PPRC1: variants seen among roughly 807,000 people sequenced by gnomAD.
PPRC1 encodes the protein peroxisome proliferator-activated receptor gamma coactivator-related protein 1.
In PPRC1, 23 loss-of-function variants were observed where a neutral mutation model predicts 132.5. The ratio of observed to expected loss-of-function variants is 0.17; its 90% CI spans 0.12 to 0.25. The LOEUF is 0.25. PPRC1 is among the 10% of genes least tolerant of loss of function. The probability of loss-of-function intolerance (pLI) is 1.00; values close to 1 mark genes in which losing one functional copy is unlikely to be tolerated. For synonymous variants in PPRC1, 872 were observed against 833.5 expected (o/e 1.05, Z -0.80); for missense variants, 2,006 against 2,089.1 (o/e 0.96, Z 0.78).
rs1473158568 is a variant in PPRC1, at chr10:102,141,684, C to T, written c.3176C>T (p.Pro1059Leu). 1 of 1,614,058 alleles carries T rather than the reference C, an allele frequency of 6.2e-7. No homozygotes were observed. ...GAGCCTACCAAGGTGGAGGTCAAGC[C>T]AGTGCCTGCATCTCCCCATCCGAAA... ...QTEPTKVEVK[P>L]VPASPHPKHK... Residue 1059 changes from proline to leucine, a missense_variant, in exon 5 of 14, where the codon CCA becomes CTA. By Grantham distance (98) the Pro-to-Leu change is moderately conservative. Transcript: ENST00000278070.
intron 2 of PPRC1, 89 bp downstream of exon 2, chr10:102,138,127 A>T (rs1054378884): frequency 4.4e-6 from 6 of 1,377,720 alleles, no homozygotes; most frequent in Non-Finnish European, 5.9e-6. Context: ...CTGCTCTCCC[A>T]GGACCTTAGC....
At chr10:102,135,351 T>C (rs1157152476) in intron 1 of PPRC1, among the ~76,000 whole-genome samples, 1 of 150,534 alleles carries the variant, frequency 6.6e-6, no homozygotes, top group African/African-American at 2.5e-5. Context: ...GACAGGACTT[T>C]TGTAAGCTAT....
upstream of PPRC1, among the ~76,000 whole-genome samples, chr10:102,128,145 CT>C (rs879722797): frequency 2.1e-3 from 306 of 143,542 alleles, no homozygotes; most frequent in Middle Eastern, 3.6e-3. Context: ...GCTGCTGCTG[CT>C]TTTTTTTTTT....
At chr10:102,134,736 C>CT (rs2068659489) in intron 1 of PPRC1, among the ~76,000 whole-genome samples, 1 of 152,206 alleles carries the variant, frequency 6.6e-6, no homozygotes, top group Admixed American at 6.5e-5. Flanking sequence ...AGGCCAGAAT[C>CT]TCAAGGCAAT....
rs766190785 is a variant in PPRC1, at chr10:102,139,634, C to T, written c.1126C>T (p.Leu376Phe). Residue 376 changes from leucine (L) to phenylalanine (F), a missense_variant, in exon 5 of 14, where the codon CTC becomes TTC. Leu to Phe is a conservative substitution (Grantham distance 22). Around this residue, in one of 2 missense-constraint regions of PPRC1, gnomAD observed 1,914 missense variants for 1,917.2 expected, o/e 1.00. Coordinates refer to ENST00000278070, the MANE Select transcript of PPRC1 (RefSeq NM_015062.5). ...GGTCTCTCCTGGACCCCGGCCTGTG[C>T]TCCTGGATGACTCGCTAGAGACTAG... is the stretch of plus-strand genomic sequence containing the variant. Reference protein sequence around the residue: ...RQVSPGPRPVLLDDSLETSSA... With the variant: ...RQVSPGPRPVFLDDSLETSSA... The T allele has an allele frequency of 1.2e-5, 20 of 1,613,940 alleles. No individual in the cohort carries two copies. The highest frequency in any genetic ancestry group is 3.3e-4 in the Middle Eastern group (2 of 6,084).
chr10:102,150,022 G>C lies in PPRC1; in HGVS notation c.4988G>C (p.Arg1663Thr). The C allele has an allele frequency of 6.2e-7, 1 of 1,609,864 alleles. No homozygotes were observed. The highest frequency in any genetic ancestry group is 8.5e-7 in the Non-Finnish European group (1 of 1,176,182). The change falls in exon 14 of 14, where the codon AGG (arginine) becomes ACG (threonine). Residue 1663 changes from arginine to threonine, a missense_variant. Arg to Thr is a moderately conservative substitution (Grantham distance 71, BLOSUM62 -1). This residue lies in a region of PPRC1 where 92 missense variants were observed against 171.9 expected (regional missense o/e 0.54). Coordinates refer to ENST00000278070, the MANE Select transcript of PPRC1 (RefSeq NM_015062.5). ...TTGAAACAGGCCCAGAAGAACCTCA[G>C]GAGGTAACCTTGGGCCCTTCCCTGC... is the stretch of plus-strand genomic sequence containing the variant. The part of the protein sequence containing the change: ...TLLKQAQKNL[R>T]R
At chr10:102,122,535 A>G in the PPRC1 span, among the ~76,000 whole-genome samples, 1 of 145,838 alleles carries the variant, frequency 6.9e-6, no homozygotes, top group African/African-American at 2.5e-5. Context: ...ACAATTTGAG[A>G]TGGTTTGGAG....
At chr10:102,120,697 C>T in the PPRC1 span, among the ~76,000 whole-genome samples, 1 of 152,146 alleles carries the variant, frequency 6.6e-6, no homozygotes, top group Non-Finnish European at 1.5e-5. Context: ...GGCAGAGACC[C>T]CAGAGAGGGA....
the PPRC1 span, among the ~76,000 whole-genome samples, chr10:102,127,019 TCATA>T: frequency 2.6e-3 from 204 of 78,882 alleles, 7 homozygotes; most frequent in African/African-American, 7.7e-3. Context: ...TGGTTTTTTA[TCATA>T]TATATATATA....
In PPRC1 at chr10:102,140,123, A is replaced by C. The variant is rs1176190087; in HGVS notation, c.1615A>C (p.Asn539His). 6.2e-7 allele frequency: 1 copy of C among 1,614,214 alleles called. No homozygotes were observed. Among genetic ancestry groups the C allele is most frequent in the South Asian group, 1.1e-5 (1 of 91,082 alleles). The change falls in exon 5 of 14, where the codon AAC becomes CAC. Residue 539 changes from asparagine to histidine, a missense_variant. This residue lies in a region of PPRC1 where 1,914 missense variants were observed against 1,917.2 expected (regional missense o/e 1.00). Coordinates refer to ENST00000278070, the MANE Select transcript of PPRC1 (RefSeq NM_015062.5). ...AAALENSSPK[N>H]LERSAGQSSP... ...TGCCTTGGAGAATTCTAGCCCTAAG[A>C]ACTTGGAGAGAAGTGCTGGACAAAG... is the stretch of plus-strand genomic sequence containing the variant.
rs1214921466 is a variant in PPRC1 at position 102,138,859 on chromosome 10, G to A, written c.490-20G>A. ...AGCTCTGAAGCATAGACTGATCTCAGGTCTTTCTTTCCCTCTTAGCTGCAC... is the reference window on the plus strand; with the variant it reads ...AGCTCTGAAGCATAGACTGATCTCAAGTCTTTCTTTCCCTCTTAGCTGCAC... On this transcript the variant is annotated intron_variant, in intron 3 of 13. Transcript: ENST00000278070. The A allele has an allele frequency of 1.2e-6, 2 of 1,612,894 alleles. No individual in the cohort carries two copies. The highest frequency in any genetic ancestry group is 1.1e-5 in the South Asian group (1 of 91,052).
At position 102,147,352 on chromosome 10, in the gene PPRC1, C is replaced by G; in HGVS notation, c.4360C>G (p.Arg1454Gly). ...SSSSSSSSRS[R>G]SRSLSPPHKR... ...ATCATCGTCTTCCTCATCCCGATCT[C>G]GGTCCAGGTCCCTCTCCCCCCCACA... is the stretch of plus-strand genomic sequence containing the variant. The change falls in exon 9 of 14, where the codon CGG becomes GGG. Residue 1454 changes from arginine (R) to glycine (G), a missense_variant. Physicochemically the swap from Arg to Gly is moderately radical, Grantham distance 125. Around this residue, in one of 2 missense-constraint regions of PPRC1, gnomAD observed 1,914 missense variants for 1,917.2 expected, o/e 1.00. Transcript: ENST00000278070. 1.2e-6 allele frequency: 2 copies of G among 1,609,594 alleles called. No homozygotes were observed. The highest frequency in any genetic ancestry group is 1.7e-6 in the Non-Finnish European group (2 of 1,179,588).
chr10:102,149,729 CAAAAAAAA>C (rs34550400), intron 13 of PPRC1, among the ~76,000 whole-genome samples, 189 bp from the exon 14 acceptor site: 4 of 110,654 alleles, frequency 3.6e-5, no homozygotes, highest in Admixed American at 1.9e-4. Flanking sequence ...GAGACTGTCT[CAAAAAAAA>C]AAAAAAAAAA....
chr10:102,133,007 C>G (rs770368636), upstream of PPRC1: 21 of 1,235,818 alleles, frequency 1.7e-5, no homozygotes, highest in Non-Finnish European at 2.0e-5. Context: ...GTTCCTTTCC[C>G]ACAATCGGCT....
Position 102,143,025 on chromosome 10 carries a change from T to G in PPRC1, c.3497-20T>G, listed in dbSNP as rs530982129. Reference sequence around the variant, plus strand: ...GTTGATAGGGGCTCGTTTTCAATCCTGTGTTGTGTGCCTCCACAGGAATTG... The same window carrying G: ...GTTGATAGGGGCTCGTTTTCAATCCGGTGTTGTGTGCCTCCACAGGAATTG... On this transcript the variant is annotated intron_variant, in intron 5 of 13. Transcript: ENST00000278070. The G allele has an allele frequency of 8.7e-6, 14 of 1,608,432 alleles. No individual in the cohort carries two copies. The African/African-American group carries it at 1.7e-4, about 20-fold the overall frequency.
chr10:102,140,958 T>C lies in PPRC1; in HGVS notation c.2450T>C (p.Ile817Thr). ...AGAAGCCCTGAAACACCCCTTGAGA[T>C]TTGCCTTGTGCCTGTAGGTCCCAGC... The part of the protein sequence containing the change: ...LQRSPETPLE[I>T]CLVPVGPSPA... Residue 817 changes from isoleucine to threonine, a missense_variant, in exon 5 of 14, where the codon ATT (isoleucine) becomes ACT (threonine). Ile to Thr is a moderately conservative substitution (Grantham distance 89, BLOSUM62 -1). This residue lies in a region of PPRC1 where 1,914 missense variants were observed against 1,917.2 expected (regional missense o/e 1.00). Transcript: ENST00000278070. The C allele has an allele frequency of 6.2e-7, 1 of 1,613,976 alleles. No homozygotes were observed.
upstream of PPRC1, among the ~76,000 whole-genome samples, chr10:102,129,183 G>A (rs1002283348): frequency 1.3e-5 from 2 of 151,794 alleles, no homozygotes; most frequent in African/African-American, 4.8e-5. Context: ...CGCCCGCCTC[G>A]GCCTCCCAAA....
At position 102,142,118 on chromosome 10, in the gene PPRC1, T is replaced by C. The variant is rs2069010583; in HGVS notation, c.3496+114T>C. On this transcript the variant is annotated intron_variant, in intron 5 of 13. Coordinates refer to ENST00000278070, the MANE Select transcript of PPRC1 (RefSeq NM_015062.5). ...GTTGGATTTCTTTGGAGGAGTTTTT[T>C]TGTTTTTATTTTGAGATGGAGTCTT... 1.4e-5 allele frequency: 18 copies of C among 1,305,204 alleles called. No homozygotes were observed. The South Asian group carries it at 2.8e-4, about 20-fold the overall frequency. 80.9% of individuals were successfully genotyped at this position (1,305,204 alleles called of 1,614,324 possible).
In PPRC1 at chr10:102,141,169, C is replaced by T. The variant is rs753069402; in HGVS notation, c.2661C>T (p.Gly887=). ...AALPFPAGGL[G]MPPSLPPPPL... ...TGCCTTTCCCTGCAGGTGGGCTTGG[C>T]ATGCCCCCCAGTCTGCCCCCACCTC... is the stretch of plus-strand genomic sequence containing the variant. The change falls in exon 5 of 14, where the codon GGC becomes GGT. Residue 887 remains glycine (G), a synonymous_variant. Transcript: ENST00000278070. The T allele has an allele frequency of 1.2e-6, 2 of 1,613,812 alleles. No individual in the cohort carries two copies. The highest frequency in any genetic ancestry group is 1.1e-5 in the South Asian group (1 of 91,088).
Sources: gnomAD v4.1 joint callset for allele counts (sites outside exome capture counted in the v4.1 genomes callset) on GRCh38, gnomAD v4.1.1 for gene constraint, gnomAD v4.1.1 regional missense constraint, MANE v1.5 for transcripts, NCBI Gene and HGNC (gene_info 2026-07-23, HGNC 2026-07-21) for gene names.